Variants in LRRC3B observed in about 807,000 individuals in gnomAD.
The protein encoded by LRRC3B is leucine rich repeat containing 3B, also known as leucine-rich repeat-containing protein 3B.
Under a neutral mutation model 12.8 loss-of-function variants are expected in LRRC3B, and 2 were observed. The observed-to-expected ratio is 0.16, with a 90% CI of 0.06 to 0.49. The LOEUF (loss-of-function observed/expected upper bound fraction) is 0.49. LRRC3B is among the 20% of genes least tolerant of loss of function. The pLI, the probability that LRRC3B is intolerant of heterozygous loss-of-function variation, is 0.96. For missense variants in LRRC3B, 189 were observed against 319.4 expected, an observed-to-expected ratio of 0.59 and a Z score of 3.11; for synonymous variants, 132 against 122.0, an observed-to-expected ratio of 1.08 and a Z score of -0.54.
chr3:26,667,169 GC>G lies in LRRC3B; in HGVS notation c.-160-42342del, dbSNP rs1316812769. Among the ~76,000 whole-genome samples, 11 of 148,666 alleles carry G rather than the reference GC, an allele frequency of 7.4e-5. No individual in the cohort carries two copies. In the East Asian group the frequency reaches 2.2e-3, roughly 30 times the overall value. ...TGAGACTGGTATACCCAATCCCATGGCCTTTCAGCCCCTGGGAGATTTGATG... is the reference window on the plus strand; with the variant it reads ...TGAGACTGGTATACCCAATCCCATGGCTTTCAGCCCCTGGGAGATTTGATG... On this transcript the variant is annotated intron_variant, in intron 1 of 1. Coordinates refer to ENST00000396641, the Ensembl canonical transcript of LRRC3B.
exon 2 of LRRC3B, chr3:26,709,874 T>C: frequency 6.2e-7 from 1 of 1,613,706 alleles, no homozygotes; most frequent in Admixed American, 1.7e-5. Context: ...TGAAACAGTC[T>C]TACTGTATCT....
At chr3:26,634,256 G>A (rs1251906731) in intron 1 of LRRC3B, among the ~76,000 whole-genome samples, 3 of 152,318 alleles carry the variant, frequency 2.0e-5, no homozygotes, top group Non-Finnish European at 4.4e-5. Flanking sequence ...TGATGGAGAT[G>A]AAAACCCTTG....
At chr3:26,659,246 C>G in intron 1 of LRRC3B, among the ~76,000 whole-genome samples, 1 of 152,146 alleles carries the variant, frequency 6.6e-6, no homozygotes, top group East Asian at 1.9e-4. Context: ...AAGTACGTTC[C>G]CTAAATCAGC....
At chr3:26,634,579 A>G (rs1384700342) in intron 1 of LRRC3B, among the ~76,000 whole-genome samples, 1 of 152,170 alleles carries the variant, frequency 6.6e-6, no homozygotes, top group Non-Finnish European at 1.5e-5. Flanking sequence ...TCACCTCGAC[A>G]TGGTGTGTGT....
intron 1 of LRRC3B, among the ~76,000 whole-genome samples, chr3:26,697,370 C>T (rs943748523): frequency 6.6e-6 from 1 of 152,144 alleles, no homozygotes; most frequent in South Asian, 2.1e-4. Context: ...TCAATCCTTA[C>T]CTTAGTTGTT....
At chr3:26,675,192 G>A (rs1424603804) in intron 1 of LRRC3B, among the ~76,000 whole-genome samples, 1 of 152,058 alleles carries the variant, frequency 6.6e-6, no homozygotes, top group African/African-American at 2.4e-5. Context: ...AGGAGCTTTT[G>A]TCATTTTCGT....
chr3:26,671,350 G>GTATATATATATATATATATATATA (rs1161960755), intron 1 of LRRC3B, among the ~76,000 whole-genome samples: 2 of 56,748 alleles, frequency 3.5e-5, no homozygotes, highest in African/African-American at 1.7e-4. Flanking sequence ...ATATATGTGT[G>GTATATATATATATATATATATATA]TATATATATA....
At chr3:26,683,376 C>T (rs1008152266) in intron 1 of LRRC3B, among the ~76,000 whole-genome samples, 1 of 152,180 alleles carries the variant, frequency 6.6e-6, no homozygotes, top group African/African-American at 2.4e-5. Context: ...TTGGCAAAGC[C>T]AGATTTCAGC....
At chr3:26,625,750 A>T (rs186444744) in intron 1 of LRRC3B, among the ~76,000 whole-genome samples, 1 of 152,180 alleles carries the variant, frequency 6.6e-6, no homozygotes, top group Non-Finnish European at 1.5e-5. Flanking sequence ...TAATGTAACA[A>T]TCAGTGCTAG....
At chr3:26,695,704 G>A (rs981767035) in intron 1 of LRRC3B, among the ~76,000 whole-genome samples, 3 of 152,074 alleles carry the variant, frequency 2.0e-5, no homozygotes, top group African/African-American at 7.3e-5. Context: ...CCATTTCTAA[G>A]AAATGTTATA....
intron 1 of LRRC3B, among the ~76,000 whole-genome samples, chr3:26,685,509 CTCTCTCTCTCTCTCTATATATA>C (rs1408153962): frequency 2.0e-5 from 1 of 51,162 alleles, no homozygotes; most frequent in East Asian, 6.8e-4. Flanking sequence ...CTCTCTCTCT[CTCTCTCTCTCTCTCTATATATA>C]TATATATATA....
At chr3:26,638,476 A>G (rs28739480) in intron 1 of LRRC3B, among the ~76,000 whole-genome samples, 2 of 152,226 alleles carry the variant, frequency 1.3e-5, no homozygotes, top group Non-Finnish European at 1.5e-5. Flanking sequence ...TGGCCTCATC[A>G]TGGACCTGTC....
At chr3:26,676,495 T>TAATC (rs1559363563) in intron 1 of LRRC3B, among the ~76,000 whole-genome samples, 1 of 152,116 alleles carries the variant, frequency 6.6e-6, no homozygotes, top group Non-Finnish European at 1.5e-5. Context: ...TGTTGGACCA[T>TAATC]AATCACTGGC....
intron 1 of LRRC3B, 84 bp downstream of exon 1, chr3:26,623,321 A>G (rs904384746): frequency 2.0e-5 from 3 of 152,376 alleles, no homozygotes; most frequent in Non-Finnish European, 4.4e-5. Flanking sequence ...CCAAGGAACA[A>G]GTAGAGGAGA....
intron 1 of LRRC3B, among the ~76,000 whole-genome samples, chr3:26,652,973 A>T (rs6551122): frequency 0.27 from 40,860 of 151,824 alleles, 7,177 homozygotes; most frequent in African/African-American, 0.49. Flanking sequence ...TCTGGAGATA[A>T]CTGTCATTTC....
intron 1 of LRRC3B, among the ~76,000 whole-genome samples, chr3:26,656,345 G>A (rs1251878104): frequency 6.6e-6 from 1 of 152,146 alleles, no homozygotes; most frequent in Non-Finnish European, 1.5e-5. Flanking sequence ...CAGTTTGAGG[G>A]TGGTGGTAAA....
intron 1 of LRRC3B, among the ~76,000 whole-genome samples, chr3:26,629,871 G>A (rs1322347164): frequency 6.6e-6 from 1 of 151,570 alleles, no homozygotes; most frequent in Non-Finnish European, 1.5e-5. Context: ...ATGGTGTGTG[G>A]CCAGCCAAGT....
chr3:26,657,616 T>C (rs545283651), intron 1 of LRRC3B, among the ~76,000 whole-genome samples: 15 of 152,330 alleles, frequency 9.8e-5, no homozygotes, highest in Non-Finnish European at 7.3e-5. Context: ...TTTCATGCTT[T>C]GAGTCGATCC....
intron 1 of LRRC3B, among the ~76,000 whole-genome samples, chr3:26,642,138 C>G (rs1014050808): frequency 1.3e-5 from 2 of 152,208 alleles, no homozygotes; most frequent in Non-Finnish European, 2.9e-5. Context: ...ATATCTGCTT[C>G]TACATTCACT....
Sources: allele counts gnomAD v4.1 joint callset (sites outside exome capture counted in the v4.1 genomes callset), GRCh38; gene constraint gnomAD v4.1.1; transcripts MANE v1.5; gene names NCBI Gene and HGNC (gene_info 2026-07-23, HGNC 2026-07-21).